The following KCNT2 variants were observed in gnomAD, a reference collection of about 807,000 sequenced individuals.
KCNT2 encodes the protein potassium channel subfamily T member 2.
In KCNT2, 67 loss-of-function variants were observed where a neutral mutation model predicts 153.8. The ratio of observed to expected loss-of-function variants is 0.44; its 90% confidence interval spans 0.36 to 0.53. KCNT2 has a LOEUF of 0.53. KCNT2 is among the 20% of genes least tolerant of loss of function. KCNT2 has a pLI of 0.00. For missense variants in KCNT2, 975 were observed against 1,354.8 expected, an observed-to-expected ratio of 0.72 and a Z score of 4.40; for synonymous variants, 500 against 458.8, an observed-to-expected ratio of 1.09 and a Z score of -1.15.
At chr1:196,522,635 T>A (rs942782624) in intron 1 of KCNT2, among the ~76,000 whole-genome samples, 1 of 152,152 alleles carries the variant, frequency 6.6e-6, no homozygotes, top group Non-Finnish European at 1.5e-5. Flanking sequence ...AACTTTTCTG[T>A]CTAGCTAGAG....
intron 26 of KCNT2, among the ~76,000 whole-genome samples, chr1:196,249,387 G>A (rs1655749675): frequency 6.6e-6 from 1 of 152,176 alleles, no homozygotes; most frequent in South Asian, 2.1e-4. Flanking sequence ...CAGATGATAT[G>A]CTCTTCTATT....
At chr1:196,324,184 A>G (rs574604447) in intron 19 of KCNT2, among the ~76,000 whole-genome samples, 2 of 152,112 alleles carry the variant, frequency 1.3e-5, no homozygotes, top group Admixed American at 1.3e-4. Context: ...TTTAATAACA[A>G]TATAATGTGG....
intron 1 of KCNT2, among the ~76,000 whole-genome samples, chr1:196,592,556 G>T (rs1558115697): frequency 6.9e-6 from 1 of 145,468 alleles, no homozygotes; most frequent in African/African-American, 2.5e-5. Context: ...ATATATAAAT[G>T]TATTTATATA....
Position 196,340,388 on chromosome 1 carries a change from T to A in KCNT2, c.1736A>T (p.Tyr579Phe). 6.2e-7 allele frequency: 1 copy of A among 1,612,650 alleles called. No individual in the cohort carries two copies. Among genetic ancestry groups the A allele is most frequent in the Middle Eastern group, 1.7e-4 (1 of 6,050 alleles). Residue 579 changes from tyrosine to phenylalanine, a missense_variant, in exon 16 of 28, where the codon TAT (tyrosine) becomes TTT (phenylalanine). Physicochemically the swap from Tyr to Phe is conservative, Grantham distance 22 (BLOSUM62 3). Transcript: ENST00000294725. ...QRKSNVSRSF[Y>F]HGPSRLPVHS... The stretch of plus-strand genomic sequence containing the variant: ...TACAGGTAATCTGGAAGGTCCATGA[T>A]AAAACGACCTGGACACATTGCTTTT...
intron 20 of KCNT2, 79 bp downstream of exon 20, chr1:196,319,405 T>C: frequency 1.2e-6 from 1 of 807,018 alleles, no homozygotes; most frequent in Non-Finnish European, 2.0e-6. Flanking sequence ...ATTACACTCA[T>C]CATGCAGTAA....
chr1:196,351,963 C>A (rs1558183510), intron 14 of KCNT2, among the ~76,000 whole-genome samples: 1 of 152,104 alleles, frequency 6.6e-6, no homozygotes, highest in Admixed American at 6.6e-5. Flanking sequence ...TTGAGATAAT[C>A]ATGTGGTTTT....
At position 196,305,318 on chromosome 1, in the gene KCNT2, T is replaced by C; in HGVS notation, c.2511A>G (p.Thr837=). The change falls in exon 22 of 28, where the codon ACA becomes ACG. Residue 837 remains threonine (T), a synonymous_variant. Transcript: ENST00000294725. ...TCATGTTGGCGGGGTGAGTTAGCTC[T>C]GTGATAATACTGAGACTGGAAAACA... ...FRLFSSLSII[T]ELTHPANMRF... is the part of the protein sequence containing the mutation. 1 of 1,609,988 alleles carries C rather than the reference T, an allele frequency of 6.2e-7. No homozygotes were observed. The highest frequency in any genetic ancestry group is 1.1e-5 in the South Asian group (1 of 90,974).
At chr1:196,358,480 C>T (rs1667354957) in intron 14 of KCNT2, among the ~76,000 whole-genome samples, 1 of 151,780 alleles carries the variant, frequency 6.6e-6, no homozygotes, top group Admixed American at 6.6e-5. Flanking sequence ...TGTGGAAAAA[C>T]AAAATCCATA....
chr1:196,430,228 G>T (rs1034704298), intron 8 of KCNT2, among the ~76,000 whole-genome samples: 3 of 151,846 alleles, frequency 2.0e-5, no homozygotes, highest in Admixed American at 1.3e-4. Context: ...TGGTTTGAAT[G>T]CTGTCCCCTC....
intron 1 of KCNT2, among the ~76,000 whole-genome samples, chr1:196,524,760 A>G (rs1435677239): frequency 1.3e-5 from 2 of 152,144 alleles, no homozygotes; most frequent in Admixed American, 1.3e-4. Flanking sequence ...TGGGTTATCT[A>G]CCTATTGTAG....
intron 26 of KCNT2, among the ~76,000 whole-genome samples, chr1:196,250,486 T>G (rs891489580): frequency 2.0e-5 from 3 of 152,078 alleles, no homozygotes; most frequent in Non-Finnish European, 4.4e-5. Context: ...AAATCAAAAT[T>G]CAAGAGTTAA....
At position 196,390,910 on chromosome 1, in the gene KCNT2, A is replaced by ATTTT. The variant is rs1457017256; in HGVS notation, c.1294+7652_1294+7653insAAAA. Among the ~76,000 whole-genome samples the ATTTT allele has an allele frequency of 2.2e-3, 205 of 91,494 alleles. 1 individual carries two copies. The highest frequency in any genetic ancestry group is 6.0e-3 in the East Asian group (19 of 3,152). 60.0% of individuals were successfully genotyped at this position (91,494 alleles called of 152,430 possible). On this transcript the variant is annotated intron_variant, in intron 13 of 27. Coordinates refer to ENST00000294725, the MANE Select transcript of KCNT2 (RefSeq NM_198503.5). ...TCATTCTTTTTTTTTTTTTTTTTTA[A>ATTTT]AAAAAAACATATGTTAGGAGACTCT...
intron 3 of KCNT2, among the ~76,000 whole-genome samples, chr1:196,484,602 T>C (rs1343632586): frequency 2.6e-5 from 4 of 152,126 alleles, no homozygotes; most frequent in Non-Finnish European, 5.9e-5. Context: ...TCTTTGCCCA[T>C]GCCTATCTCC....
intron 20 of KCNT2, among the ~76,000 whole-genome samples, chr1:196,317,019 T>C (rs979535076): frequency 6.6e-6 from 1 of 151,744 alleles, no homozygotes; most frequent in Admixed American, 6.6e-5. Context: ...GTAGTTTCTC[T>C]TAGGTTTTTA....
chr1:196,351,292 G>C (rs1287937105), intron 14 of KCNT2, among the ~76,000 whole-genome samples: 1 of 152,062 alleles, frequency 6.6e-6, no homozygotes, highest in African/African-American at 2.4e-5. Context: ...AATTACCTTG[G>C]GCAGTATGGC....
intron 8 of KCNT2, among the ~76,000 whole-genome samples, chr1:196,437,617 T>C (rs947040564): frequency 1.3e-5 from 2 of 150,570 alleles, no homozygotes; most frequent in African/African-American, 4.8e-5. Context: ...TCATTTATAG[T>C]CATTTACTTT....
At chr1:196,546,474 C>T (rs933410930) in intron 1 of KCNT2, among the ~76,000 whole-genome samples, 1 of 152,034 alleles carries the variant, frequency 6.6e-6, no homozygotes, top group African/African-American at 2.4e-5. Context: ...CAGATGGACA[C>T]CTTCCCATAA....
chr1:196,429,474 T>C, intron 9 of KCNT2, 103 bp downstream of exon 9: 1 of 612,246 alleles, frequency 1.6e-6, no homozygotes, highest in Non-Finnish European at 2.8e-6. Context: ...TGTTAGTAAA[T>C]TAGTGTTAGA....
intron 1 of KCNT2, among the ~76,000 whole-genome samples, chr1:196,571,532 T>G (rs1558091540): frequency 6.6e-6 from 1 of 152,136 alleles, no homozygotes; most frequent in Non-Finnish European, 1.5e-5. Context: ...CAAGTCAAAA[T>G]TGTTCTTAAA....
Sources: gnomAD v4.1 joint callset for allele counts (sites outside exome capture counted in the v4.1 genomes callset) on GRCh38, gnomAD v4.1.1 for gene constraint, MANE v1.5 for transcripts, NCBI Gene and HGNC (gene_info 2026-07-23, HGNC 2026-07-21) for gene names.